LRRC4C: variants seen among roughly 807,000 people sequenced by gnomAD.
The protein encoded by LRRC4C is leucine rich repeat containing 4C.
A neutral mutation model predicts 33.6 loss-of-function variants in LRRC4C; 5 were observed. The observed-to-expected ratio is 0.15, with a 90% confidence interval of 0.08 to 0.31. LRRC4C has a LOEUF of 0.31. Ranked by LOEUF, LRRC4C falls within the 10% of genes least tolerant of loss-of-function variation. The pLI, the probability that LRRC4C is intolerant of heterozygous loss-of-function variation, is 1.00. For missense variants in LRRC4C, 560 were observed against 796.7 expected, an observed-to-expected ratio of 0.70 and a Z score of 3.58; for synonymous variants, 329 against 302.0, an observed-to-expected ratio of 1.09 and a Z score of -0.93.
At chr11:41,106,454 A>G (rs1417831455) in intron 1 of LRRC4C, among the ~76,000 whole-genome samples, 1 of 152,044 alleles carries the variant, frequency 6.6e-6, no homozygotes, top group Non-Finnish European at 1.5e-5. Flanking sequence ...ATCTATGAAA[A>G]AAAAAAAACT....
At position 40,630,330 on chromosome 11, in the gene LRRC4C, C is replaced by CTCTTCTTCTTCTTCT. The variant is rs200043868; in HGVS notation, c.-270+17797_-270+17811dup. On this transcript the variant is annotated intron_variant, in intron 3 of 6. Transcript: ENST00000528697. ...TTATTACTTGTTTTCTTTCTTCTTC[C>CTCTTCTTCTTCTTCT]TCTTCTTCTTCTTCTTCTTCTTCTT... 8.9e-3 allele frequency among the ~76,000 whole-genome samples: 1,210 copies of CTCTTCTTCTTCTTCT among 135,514 alleles called. 31 individuals are homozygous for CTCTTCTTCTTCTTCT. The highest frequency in any genetic ancestry group is 0.031 in the African/African-American group (1,121 of 35,938). The allele number at this position is 135,514 out of a possible 152,430, so 88.9% of individuals were successfully genotyped here.
intron 5 of LRRC4C, among the ~76,000 whole-genome samples, chr11:40,186,858 C>T (rs928829447): frequency 5.9e-5 from 9 of 152,158 alleles, no homozygotes; most frequent in African/African-American, 2.2e-4. Context: ...TAAGCAAATC[C>T]TCTCACCCCT....
intron 3 of LRRC4C, among the ~76,000 whole-genome samples, chr11:40,482,756 C>A (rs1398214439): frequency 6.6e-6 from 1 of 152,098 alleles, no homozygotes; most frequent in African/African-American, 2.4e-5. Context: ...CAGGTATGAG[C>A]CACTGCACCT....
chr11:41,251,620 A>C (rs910363568), intron 1 of LRRC4C, among the ~76,000 whole-genome samples: 5 of 152,204 alleles, frequency 3.3e-5, no homozygotes, highest in Admixed American at 3.3e-4. Flanking sequence ...GTAGGGAGCA[A>C]TTAAGAATTG....
intron 2 of LRRC4C, among the ~76,000 whole-genome samples, chr11:40,912,654 C>T (rs928855061): frequency 6.6e-6 from 1 of 152,124 alleles, no homozygotes; most frequent in African/African-American, 2.4e-5. Context: ...AGCAAAATAA[C>T]CAGCTAACAT....
At chr11:40,362,057 T>G (rs928911663) in intron 3 of LRRC4C, among the ~76,000 whole-genome samples, 1 of 152,114 alleles carries the variant, frequency 6.6e-6, no homozygotes, top group African/African-American at 2.4e-5. Context: ...ACTGGCTAGC[T>G]ATATGCAGAA....
At chr11:40,335,147 ATT>A (rs1315082516) in intron 3 of LRRC4C, among the ~76,000 whole-genome samples, 3 of 152,144 alleles carry the variant, frequency 2.0e-5, no homozygotes, top group African/African-American at 7.2e-5. Context: ...AATTGCTCTT[ATT>A]TCCTGTGTTA....
intron 5 of LRRC4C, among the ~76,000 whole-genome samples, chr11:40,152,538 C>T (rs1009246406): frequency 1.3e-5 from 2 of 152,148 alleles, no homozygotes; most frequent in African/African-American, 4.8e-5. Context: ...AGGCAGATAG[C>T]CTCCAGCAAG....
intron 1 of LRRC4C, among the ~76,000 whole-genome samples, chr11:41,410,512 C>T (rs1272141724): frequency 6.6e-6 from 1 of 151,312 alleles, no homozygotes; most frequent in Non-Finnish European, 1.5e-5. Flanking sequence ...CGGATCTCAG[C>T]TCACTGCAAG....
chr11:41,426,112 T>C (rs1955031802), intron 1 of LRRC4C: 1 of 152,234 alleles, frequency 6.6e-6, no homozygotes, highest in Non-Finnish European at 1.5e-5. Context: ...AAGATCTGGA[T>C]GGTCCCTTCA....
chr11:40,437,641 G>A (rs1027208148), intron 3 of LRRC4C, among the ~76,000 whole-genome samples: 3 of 151,892 alleles, frequency 2.0e-5, no homozygotes, highest in Non-Finnish European at 4.4e-5. Context: ...TGATCCACAC[G>A]CCTCGACCTC....
intron 1 of LRRC4C, among the ~76,000 whole-genome samples, chr11:41,222,320 G>GA (rs1028667668): frequency 3.9e-5 from 6 of 152,114 alleles, no homozygotes; most frequent in Non-Finnish European, 7.3e-5. Flanking sequence ...CTGGGCTGGA[G>GA]ACCCAGCAGG....
At chr11:40,932,324 G>T (rs1957664373) in intron 2 of LRRC4C, among the ~76,000 whole-genome samples, 1 of 152,090 alleles carries the variant, frequency 6.6e-6, no homozygotes, top group Admixed American at 6.6e-5. Context: ...AACAAAAATA[G>T]ATCCTTCTTC....
intron 5 of LRRC4C, among the ~76,000 whole-genome samples, chr11:40,236,825 C>A (rs2136058210): frequency 6.6e-6 from 1 of 152,230 alleles, no homozygotes; most frequent in East Asian, 1.9e-4. Context: ...TGTTAATCCA[C>A]CAAGACTTCA....
chr11:40,654,246 C>T (rs1455188243), intron 2 of LRRC4C, among the ~76,000 whole-genome samples: 2 of 152,196 alleles, frequency 1.3e-5, no homozygotes, highest in Non-Finnish European at 1.5e-5. Flanking sequence ...TCCTCCAGAC[C>T]CCAGAATGGT....
At chr11:41,348,048 T>C (rs1687470840) in intron 1 of LRRC4C, among the ~76,000 whole-genome samples, 1 of 152,200 alleles carries the variant, frequency 6.6e-6, no homozygotes, top group African/African-American at 2.4e-5. Context: ...TTTACATAAG[T>C]ATCTACAAAA....
intron 3 of LRRC4C, among the ~76,000 whole-genome samples, chr11:40,483,247 G>T (rs1014093966): frequency 6.6e-6 from 1 of 152,176 alleles, no homozygotes; most frequent in African/African-American, 2.4e-5. Flanking sequence ...TGGAGACAAA[G>T]CTAGAGGGAG....
chr11:41,386,079 CGTGT>C (rs1408273639), intron 1 of LRRC4C, among the ~76,000 whole-genome samples: 3 of 151,306 alleles, frequency 2.0e-5, no homozygotes, highest in Non-Finnish European at 4.4e-5. Flanking sequence ...ACTTTATTTG[CGTGT>C]GTGTATTTAT....
intron 1 of LRRC4C, among the ~76,000 whole-genome samples, chr11:41,108,982 G>T (rs1941671379): frequency 6.6e-6 from 1 of 152,048 alleles, no homozygotes; most frequent in Non-Finnish European, 1.5e-5. Context: ...ATAAACAGGA[G>T]CTGGGTCTCA....
Sources: allele counts gnomAD v4.1 joint callset (sites outside exome capture counted in the v4.1 genomes callset), GRCh38; gene constraint gnomAD v4.1.1; transcripts MANE v1.5; gene names NCBI Gene and HGNC (gene_info 2026-07-23, HGNC 2026-07-21).